TDRD10: variants seen among roughly 807,000 people sequenced by gnomAD.
TDRD10 encodes tudor domain-containing protein 10.
In TDRD10, 40 loss-of-function variants were observed where a neutral mutation model predicts 48.0. The ratio of observed to expected loss-of-function variants is 0.83; its 90% confidence interval spans 0.65 to 1.09. TDRD10 has a LOEUF of 1.09. Ranked by LOEUF, TDRD10 falls within the 50% of genes least tolerant of loss-of-function variation. The probability of loss-of-function intolerance (pLI) is 0.00; values close to 1 mark genes in which losing one functional copy is unlikely to be tolerated. For synonymous variants in TDRD10, 162 were observed against 170.4 expected (o/e 0.95, Z 0.38); for missense variants, 378 against 434.7 (o/e 0.87, Z 1.16).
chr1:154,518,604 T>G (rs1409434943), intron 4 of TDRD10, among the ~76,000 whole-genome samples: 1 of 152,144 alleles, frequency 6.6e-6, no homozygotes, highest in Non-Finnish European at 1.5e-5. Context: ...ATTTTTTTTG[T>G]ATTTGTAGTA....
intron 6 of TDRD10, among the ~76,000 whole-genome samples, chr1:154,530,345 T>C (rs943134109): frequency 1.3e-5 from 2 of 152,040 alleles, no homozygotes; most frequent in Admixed American, 6.6e-5. Context: ...GTTTTTTTTT[T>C]CAACACTGGA....
rs149275151 is a variant in TDRD10 at position 154,512,252 on chromosome 1, C to T, written c.141+3771C>T. On this transcript the variant is annotated intron_variant, in intron 4 of 12. Transcript: ENST00000368482. ...TTATATCAATAGAATCATACAATGT[C>T]GAATTTTGTGTTTTCTTTCACTAAG... Among the ~76,000 whole-genome samples, 342 of 152,204 alleles carry T rather than the reference C, an allele frequency of 2.2e-3. 7 individuals are homozygous for T. Among genetic ancestry groups the T allele is most frequent in the Non-Finnish European group, 4.3e-4 (29 of 68,016 alleles).
chr1:154,519,875 G>A (rs564001669), intron 4 of TDRD10, among the ~76,000 whole-genome samples: 3 of 152,082 alleles, frequency 2.0e-5, no homozygotes, highest in Non-Finnish European at 2.9e-5. Context: ...GAAATGTTCC[G>A]GGAAGAGGAA....
chr1:154,513,621 T>C (rs1352240776), intron 4 of TDRD10, among the ~76,000 whole-genome samples: 7 of 152,150 alleles, frequency 4.6e-5, no homozygotes, highest in Non-Finnish European at 1.0e-4. Flanking sequence ...GATAACCAGA[T>C]ATGAGCCCCC....
chr1:154,544,747 G>T, intron 10 of TDRD10, 48 bp from the exon 11 acceptor site: 1 of 1,600,050 alleles, frequency 6.2e-7, no homozygotes, highest in Non-Finnish European at 8.5e-7. Context: ...GCTGTGCATG[G>T]CACTAGGCGG....
rs1178220049 is a variant in TDRD10 at position 154,508,841 on chromosome 1, C to CA, written c.141+368dup. On this transcript the variant is annotated intron_variant, in intron 4 of 12. Transcript: ENST00000368482. ...GTAATGGGGAGCAGTTGGTTTCAGC[C>CA]AAAAAAAATGACACCTATTTGACTG... is the stretch of plus-strand genomic sequence containing the variant. Among the ~76,000 whole-genome samples, 8 of 151,580 alleles carry CA rather than the reference C, an allele frequency of 5.3e-5. No homozygotes were observed. The East Asian group carries it at 9.7e-4, about 18-fold the overall frequency.
chr1:154,547,454 A>G lies in TDRD10; in HGVS notation c.998A>G (p.Lys333Arg). 1 of 1,614,190 alleles carries G rather than the reference A, an allele frequency of 6.2e-7. No individual in the cohort carries two copies. Among genetic ancestry groups the G allele is most frequent in the Non-Finnish European group, 8.5e-7 (1 of 1,180,036 alleles). Residue 333 changes from lysine to arginine, a missense_variant, in exon 12 of 13, where the codon AAA becomes AGA. By Grantham distance (26) the Lys-to-Arg change is conservative. Transcript: ENST00000368482. ...YEVVHRILKG[K>R]ITGALNSALH... ...GTTGTCCATCGAATCCTCAAAGGGA[A>G]AATCACTGGTGCTTTGAACTCGGCG...
intron 6 of TDRD10, among the ~76,000 whole-genome samples, chr1:154,526,341 C>T (rs1046485099): frequency 1.3e-5 from 2 of 151,886 alleles, no homozygotes; most frequent in Non-Finnish European, 2.9e-5. Flanking sequence ...TGCCACTTCA[C>T]TCCAGCCTGG....
intron 1 of TDRD10, among the ~76,000 whole-genome samples, chr1:154,504,936 G>A (rs1036520246): frequency 2.6e-5 from 4 of 152,206 alleles, no homozygotes; most frequent in African/African-American, 4.8e-5. Flanking sequence ...GCAGTGAGCC[G>A]AGATCGTACC....
At chr1:154,536,713 C>G (rs971267382) in intron 6 of TDRD10, among the ~76,000 whole-genome samples, 1 of 152,164 alleles carries the variant, frequency 6.6e-6, no homozygotes, top group Non-Finnish European at 1.5e-5. Context: ...TCCATCCTTT[C>G]GATGAGATGG....
At chr1:154,504,965 C>T (rs1031016146) in intron 1 of TDRD10, among the ~76,000 whole-genome samples, 3 of 151,960 alleles carry the variant, frequency 2.0e-5, no homozygotes, top group Non-Finnish European at 2.9e-5. Context: ...CCAGCCTGGG[C>T]GACAGAGTGA....
intron 6 of TDRD10, among the ~76,000 whole-genome samples, chr1:154,537,069 C>T (rs1483479896): frequency 6.6e-6 from 1 of 152,180 alleles, no homozygotes; most frequent in Non-Finnish European, 1.5e-5. Context: ...CTTAGGGCCT[C>T]TGGACCTACT....
chr1:154,509,123 A>G (rs1343072153), intron 4 of TDRD10, among the ~76,000 whole-genome samples: 1 of 130,182 alleles, frequency 7.7e-6, no homozygotes, highest in East Asian at 2.2e-4. Context: ...GGCATCTACT[A>G]CATGCAAAAT....
chr1:154,515,739 A>G (rs997003475), intron 4 of TDRD10, among the ~76,000 whole-genome samples: 1 of 151,946 alleles, frequency 6.6e-6, no homozygotes, highest in Non-Finnish European at 1.5e-5. Context: ...TTTGAGATGG[A>G]ATTTCGCTCT....
At chr1:154,512,282 T>G (rs1272217162) in intron 4 of TDRD10, among the ~76,000 whole-genome samples, 2 of 152,150 alleles carry the variant, frequency 1.3e-5, no homozygotes, top group African/African-American at 4.8e-5. Flanking sequence ...ACTAAGCATG[T>G]TTTCAGTGTT....
intron 8 of TDRD10, among the ~76,000 whole-genome samples, chr1:154,543,176 G>A (rs1451112601): frequency 6.6e-6 from 1 of 152,146 alleles, no homozygotes; most frequent in Non-Finnish European, 1.5e-5. Context: ...TTGGGAGGCT[G>A]AGGCAGGAGA....
chr1:154,523,199 C>T (rs4345797), intron 6 of TDRD10, among the ~76,000 whole-genome samples: 89,786 of 152,040 alleles, frequency 0.59, 27,103 homozygotes, highest in East Asian at 0.76. Flanking sequence ...AGCCACTGCA[C>T]CCCACCTGGA....
intron 5 of TDRD10, 62 bp from the exon 6 acceptor site, chr1:154,521,261 C>T: frequency 6.4e-7 from 1 of 1,573,554 alleles, no homozygotes; most frequent in Non-Finnish European, 8.7e-7. Context: ...TGGTGCCTCC[C>T]TGCAGCTCTG....
Position 154,537,306 on chromosome 1 carries a change from C to T in TDRD10, c.370-4718C>T, listed in dbSNP as rs577786561. Among the ~76,000 whole-genome samples, 18 of 152,330 alleles carry T rather than the reference C, an allele frequency of 1.2e-4. No homozygotes were observed. The South Asian group carries it at 3.5e-3, about 30-fold the overall frequency. On this transcript the variant is annotated intron_variant, in intron 6 of 12. Coordinates refer to ENST00000368482, the MANE Select transcript of TDRD10 (RefSeq NM_182499.4). The stretch of plus-strand genomic sequence containing the variant: ...ACTTATTTAGTGTCTGCTGCCCCCA[C>T]CAGAACGTGAGCTTTGTGGTGGCGT...
Sources: allele counts gnomAD v4.1 joint callset (sites outside exome capture counted in the v4.1 genomes callset), GRCh38; gene constraint gnomAD v4.1.1; transcripts MANE v1.5; gene names NCBI Gene and HGNC (gene_info 2026-07-23, HGNC 2026-07-21).